RP1L1: variants seen among roughly 807,000 people sequenced by gnomAD.
RP1L1 encodes the protein RP1 like 1.
A neutral mutation model predicts 15.7 loss-of-function variants in RP1L1; 27 were observed. That is an observed-to-expected ratio of 1.72 (90% CI 1.27 to 2.38). The LOEUF is 2.38. RP1L1 is among the 30% of genes most tolerant of loss of function. The pLI, the probability that RP1L1 is intolerant of heterozygous loss-of-function variation, is 0.00. For synonymous variants in RP1L1, 1,813 were observed against 1,276.7 expected (o/e 1.42, Z -8.96); for missense variants, 4,798 against 3,075.9 (o/e 1.56, Z -13.24).
At chr8:10,618,793 A>C (rs1162897636) in intron 2 of RP1L1, among the ~76,000 whole-genome samples, 1 of 150,536 alleles carries the variant, frequency 6.6e-6, no homozygotes, top group Admixed American at 6.6e-5. Context: ...TTTCTATCCC[A>C]CTCTCTTTCT....
intron 1 of RP1L1, among the ~76,000 whole-genome samples, chr8:10,645,553 C>T (rs1164774671): frequency 1.3e-5 from 2 of 152,214 alleles, no homozygotes; most frequent in South Asian, 2.1e-4. Context: ...GTCCAGCCCT[C>T]GGAGGGAGGA....
intron 1 of RP1L1, among the ~76,000 whole-genome samples, chr8:10,633,222 C>T (rs1206497846): frequency 6.6e-6 from 1 of 152,200 alleles, no homozygotes. Context: ...GCTGGCCTCA[C>T]AAAGCCGCAG....
intron 1 of RP1L1, among the ~76,000 whole-genome samples, chr8:10,651,122 A>T (rs911508019): frequency 1.3e-5 from 2 of 152,090 alleles, no homozygotes; most frequent in Non-Finnish European, 2.9e-5. Context: ...GGGGCAACTG[A>T]CTCTGCCAAG....
rs768945673 is a variant in RP1L1, at chr8:10,609,549, T to A, written c.4549A>T (p.Ile1517Phe). 3.7e-6 allele frequency: 6 copies of A among 1,605,122 alleles called. No homozygotes were observed. Among genetic ancestry groups the A allele is most frequent in the Admixed American group, 3.3e-5 (2 of 59,910 alleles). ...ACSAALDCDP[I>F]WVSVLLKKTE... ...TTCTTCAGTAACACGGACACCCAGATGGGGTCGCAGTCCAGAGCCGCGCTG... is the reference window on the plus strand; with the variant it reads ...TTCTTCAGTAACACGGACACCCAGAAGGGGTCGCAGTCCAGAGCCGCGCTG... The change falls in exon 4 of 4, where the codon ATC (isoleucine) becomes TTC (phenylalanine). Residue 1517 changes from isoleucine (I) to phenylalanine (F), a missense_variant. Coordinates refer to ENST00000382483, the MANE Select transcript of RP1L1 (RefSeq NM_178857.6).
At chr8:10,635,198 G>A (rs1243947125) in intron 1 of RP1L1, among the ~76,000 whole-genome samples, 1 of 152,182 alleles carries the variant, frequency 6.6e-6, no homozygotes, top group Non-Finnish European at 1.5e-5. Context: ...ACCTCCCCGG[G>A]ACCTGGCTTT....
At position 10,610,683 on chromosome 8, in the gene RP1L1, CTT is replaced by C. The variant is rs766948560; in HGVS notation, c.3413_3414del (p.Lys1138SerfsTer24). ...FEEDLGSPAS[K>X]VRFKDSPRYQ... Reference sequence around the variant, plus strand: ...TACCGAGGGGAGTCTTTGAACCTCACTTTGCTGGCAGGAGACCCAAGGTCTTC... The same window carrying C: ...TACCGAGGGGAGTCTTTGAACCTCACTGCTGGCAGGAGACCCAAGGTCTTC... On this transcript the variant is annotated frameshift_variant, in exon 4 of 4. Coordinates refer to ENST00000382483, the MANE Select transcript of RP1L1 (RefSeq NM_178857.6). LOFTEE classifies it low-confidence loss of function (END_TRUNC). 122 of 1,612,278 alleles carry C rather than the reference CTT, an allele frequency of 7.6e-5. 2 individuals are homozygous for C. The South Asian group carries it at 1.3e-3, about 17-fold the overall frequency.
chr8:10,639,796 A>G (rs1798382054), intron 1 of RP1L1, among the ~76,000 whole-genome samples: 1 of 152,242 alleles, frequency 6.6e-6, no homozygotes, highest in Non-Finnish European at 1.5e-5. Flanking sequence ...AGGAATCCCC[A>G]CACGACAAAT....
At chr8:10,638,544 A>G (rs1370253550) in intron 1 of RP1L1, among the ~76,000 whole-genome samples, 1 of 152,124 alleles carries the variant, frequency 6.6e-6, no homozygotes, top group African/African-American at 2.4e-5. Context: ...GGCAGTTCAA[A>G]TGTAGCCTGG....
In RP1L1 at chr8:10,610,771, C is replaced by T. The variant is rs1797832160; in HGVS notation, c.3327G>A (p.Arg1109=). ...GGGCCCCGGCTGAGCAGCTGAGCCT[C>T]CTGGCCATGGGCCTAGACACTTCGG... The part of the protein sequence containing the change: ...SVPEVSRPMA[R]RLSCSAGALI... Residue 1109 remains arginine, a synonymous_variant, in exon 4 of 4, where the codon AGG becomes AGA. Transcript: ENST00000382483. 1 of 1,613,312 alleles carries T rather than the reference C, an allele frequency of 6.2e-7. No individual in the cohort carries two copies. Among genetic ancestry groups the T allele is most frequent in the Non-Finnish European group, 8.5e-7 (1 of 1,179,992 alleles).
chr8:10,637,659 C>T (rs998783159), intron 1 of RP1L1, among the ~76,000 whole-genome samples: 4 of 152,190 alleles, frequency 2.6e-5, no homozygotes, highest in Non-Finnish European at 5.9e-5. Context: ...ATGCTGGACA[C>T]TCTAGTTAAG....
rs755312869 is a variant in RP1L1 at position 10,613,147 on chromosome 8, C to T, written c.951G>A (p.Glu317=). The T allele has an allele frequency of 3.1e-6, 5 of 1,613,878 alleles. No individual in the cohort carries two copies. Among genetic ancestry groups the T allele is most frequent in the Non-Finnish European group, 4.2e-6 (5 of 1,180,010 alleles). Residue 317 remains glutamate (E), a synonymous_variant, in exon 4 of 4, where the codon GAG becomes GAA. Coordinates refer to ENST00000382483, the MANE Select transcript of RP1L1 (RefSeq NM_178857.6). The part of the protein sequence containing the change: ...DDMKKKVRMN[E]DGSLSVEMKV... ...TCATCTCCACGGACAGGCTGCCGTC[C>T]TCATTCATGCGGACCTTCTTCTTCA...
chr8:10,608,065 C>T lies in RP1L1; in HGVS notation c.6033G>A (p.Glu2011=). The T allele has an allele frequency of 6.2e-7, 1 of 1,608,800 alleles. No individual in the cohort carries two copies. Among genetic ancestry groups the T allele is most frequent in the Non-Finnish European group, 8.5e-7 (1 of 1,178,664 alleles). ...ACTCTGGCTGGGCCTCCTCTTCTGC[C>T]TCTTGCATCTCCCCTTCAGCCTCTG... is the stretch of plus-strand genomic sequence containing the variant. The part of the protein sequence containing the change: ...EAPEAEGEMQ[E]AEEEAQPESD... The change falls in exon 4 of 4, where the codon GAG becomes GAA. Residue 2011 remains glutamate, a synonymous_variant. Transcript: ENST00000382483.
chr8:10,625,551 A>G (rs1181275950), intron 1 of RP1L1, among the ~76,000 whole-genome samples: 1 of 152,046 alleles, frequency 6.6e-6, no homozygotes, highest in Non-Finnish European at 1.5e-5. Flanking sequence ...ATGAGGTGTG[A>G]GATGCTCCAT....
At chr8:10,616,359 C>G in intron 3 of RP1L1, 87 bp downstream of exon 3, 1 of 1,576,290 alleles carries the variant, frequency 6.3e-7, no homozygotes, top group Non-Finnish European at 8.7e-7. Flanking sequence ...GGGAAGTTTC[C>G]TGAATTACCT....
intron 1 of RP1L1, among the ~76,000 whole-genome samples, chr8:10,637,138 C>G (rs1304007939): frequency 6.6e-6 from 1 of 152,216 alleles, no homozygotes; most frequent in African/African-American, 2.4e-5. Flanking sequence ...GGCAAGGAGA[C>G]AGCTGAGCCT....
At chr8:10,614,487 C>T (rs1291935025) in intron 3 of RP1L1, among the ~76,000 whole-genome samples, 1 of 151,900 alleles carries the variant, frequency 6.6e-6, no homozygotes, top group Admixed American at 6.6e-5. Context: ...TGGGGAAACC[C>T]CATCTCTACT....
At chr8:10,650,518 G>A (rs968426178) in intron 1 of RP1L1, among the ~76,000 whole-genome samples, 21 of 151,844 alleles carry the variant, frequency 1.4e-4, no homozygotes, top group Non-Finnish European at 2.6e-4. Flanking sequence ...AGAAACTGAG[G>A]CTCAGGGAAG....
In RP1L1 at chr8:10,616,534, C is replaced by T. The variant is rs768709219; in HGVS notation, c.663G>A (p.Gly221=). The T allele has an allele frequency of 3.8e-5, 61 of 1,614,080 alleles. No individual in the cohort carries two copies. Among genetic ancestry groups the T allele is most frequent in the Non-Finnish European group, 4.6e-5 (54 of 1,180,038 alleles). Residue 221 remains glycine (G), a synonymous_variant, in exon 3 of 4, where the codon GGG becomes GGA. Transcript: ENST00000382483. ...TGGCTGGGGTTCTGAAGGCCTCATG[C>T]CCGGCACACACCAGCACAGAGGGGC... ...LHSPSVLVCA[G]HEAFRTPAMK... is the part of the protein sequence containing the mutation.
intron 1 of RP1L1, among the ~76,000 whole-genome samples, chr8:10,630,261 C>G (rs760855036): frequency 6.6e-6 from 1 of 152,208 alleles, no homozygotes; most frequent in South Asian, 2.1e-4. Flanking sequence ...CCCATCCACA[C>G]CCCAGGCAGG....
Sources: gnomAD v4.1 joint callset for allele counts (sites outside exome capture counted in the v4.1 genomes callset) on GRCh38, gnomAD v4.1.1 for gene constraint, MANE v1.5 for transcripts, NCBI Gene and HGNC (gene_info 2026-07-23, HGNC 2026-07-21) for gene names.